TBC1D19: variants seen among roughly 807,000 people sequenced by gnomAD.
TBC1D19 encodes TBC1 domain family, member 19.
Under a neutral mutation model 89.0 loss-of-function variants are expected in TBC1D19, and 60 were observed. The observed-to-expected ratio is 0.67, with a 90% CI of 0.55 to 0.84. The LOEUF (loss-of-function observed/expected upper bound fraction) is 0.84. TBC1D19 is among the 40% of genes least tolerant of loss of function. The pLI is 0.00. For synonymous variants in TBC1D19, 189 were observed against 199.7 expected (o/e 0.95, Z 0.45); for missense variants, 500 against 610.8 (o/e 0.82, Z 1.91).
chr4:26,856,745 A>T, the TBC1D19 span, among the ~76,000 whole-genome samples: 1 of 152,156 alleles, frequency 6.6e-6, no homozygotes, highest in Non-Finnish European at 1.5e-5. Context: ...AAATGTCAAC[A>T]TTCCTGCTGC....
chr4:26,578,420 T>C (rs1739013125), intron 1 of TBC1D19, among the ~76,000 whole-genome samples: 1 of 152,186 alleles, frequency 6.6e-6, no homozygotes, highest in Non-Finnish European at 1.5e-5. Context: ...AACATATGCT[T>C]GTCTTGTAGA....
chr4:26,742,785 C>T (rs1432592779), intron 18 of TBC1D19, among the ~76,000 whole-genome samples, 186 bp downstream of exon 18: 1 of 152,032 alleles, frequency 6.6e-6, no homozygotes, highest in African/African-American at 2.4e-5. Context: ...GAAAGAATTA[C>T]CAAAATCCTA....
At chr4:26,631,873 ATTTCT>A in intron 4 of TBC1D19, among the ~76,000 whole-genome samples, 1 of 152,158 alleles carries the variant, frequency 6.6e-6, no homozygotes, top group South Asian at 2.1e-4. Flanking sequence ...ATGATGTCTA[ATTTCT>A]TTTCTGTGTA....
At chr4:26,682,376 GATC>G (rs1713425623) in intron 11 of TBC1D19, among the ~76,000 whole-genome samples, 1 of 152,176 alleles carries the variant, frequency 6.6e-6, no homozygotes, top group African/African-American at 2.4e-5. Flanking sequence ...TAAATGCCCT[GATC>G]ATCATTAGGC....
At chr4:26,852,647 TCTCA>T in the TBC1D19 span, among the ~76,000 whole-genome samples, 3 of 151,302 alleles carry the variant, frequency 2.0e-5, no homozygotes, top group African/African-American at 7.3e-5. Flanking sequence ...TGAGATGGAG[TCTCA>T]CTCTGTCACC....
intron 13 of TBC1D19, among the ~76,000 whole-genome samples, chr4:26,704,161 A>G (rs552949511): frequency 1.3e-5 from 2 of 152,198 alleles, no homozygotes; most frequent in Admixed American, 6.5e-5. Context: ...TGAAATTCTT[A>G]AAGTACCCAT....
chr4:26,759,768 C>T (rs1244379736), downstream of TBC1D19, among the ~76,000 whole-genome samples: 1 of 152,182 alleles, frequency 6.6e-6, no homozygotes, highest in Non-Finnish European at 1.5e-5. Flanking sequence ...TTTTGAGATT[C>T]ATCCATATTA....
At chr4:26,770,287 A>G in the TBC1D19 span, among the ~76,000 whole-genome samples, 1 of 152,120 alleles carries the variant, frequency 6.6e-6, no homozygotes, top group African/African-American at 2.4e-5. Context: ...CCACTAATCA[A>G]AAGTAAACTA....
the TBC1D19 span, among the ~76,000 whole-genome samples, chr4:26,822,922 G>A: frequency 1.3e-5 from 2 of 152,096 alleles, no homozygotes; most frequent in African/African-American, 4.8e-5. Context: ...TTTTCCTTGG[G>A]ATCACTCTAC....
chr4:26,750,128 C>G (rs1327966084), intron 19 of TBC1D19, among the ~76,000 whole-genome samples: 1 of 152,132 alleles, frequency 6.6e-6, no homozygotes, highest in Non-Finnish European at 1.5e-5. Context: ...ATTACATGTA[C>G]CCCTATTAAA....
At chr4:26,790,876 C>A in the TBC1D19 span, among the ~76,000 whole-genome samples, 7 of 152,082 alleles carry the variant, frequency 4.6e-5, no homozygotes, top group African/African-American at 7.2e-5. Context: ...CTTTTCTATT[C>A]AAATAATTAT....
the TBC1D19 span, among the ~76,000 whole-genome samples, chr4:26,811,329 G>A: frequency 6.6e-6 from 1 of 152,208 alleles, no homozygotes; most frequent in Non-Finnish European, 1.5e-5. Flanking sequence ...CGAAGGGAGG[G>A]GGACATCACA....
downstream of TBC1D19, among the ~76,000 whole-genome samples, chr4:26,757,493 A>G (rs1250227064): frequency 1.3e-5 from 2 of 152,182 alleles, no homozygotes; most frequent in African/African-American, 4.8e-5. Context: ...TAATAGGCAA[A>G]TTGTATTTGG....
intron 6 of TBC1D19, 74 bp from the exon 7 acceptor site, chr4:26,640,067 A>C: frequency 3.8e-6 from 4 of 1,043,220 alleles, no homozygotes; most frequent in Non-Finnish European, 5.8e-6. Flanking sequence ...CATGTGAAAG[A>C]ATGATTAACA....
At chr4:26,615,423 T>C (rs1210689806) in intron 3 of TBC1D19, among the ~76,000 whole-genome samples, 1 of 151,138 alleles carries the variant, frequency 6.6e-6, no homozygotes, top group Non-Finnish European at 1.5e-5. Flanking sequence ...GTTCATAGTC[T>C]AACAGAGTTC....
chr4:26,581,528 A>G (rs1283868487), upstream of TBC1D19, among the ~76,000 whole-genome samples: 1 of 152,196 alleles, frequency 6.6e-6, no homozygotes, highest in Non-Finnish European at 1.5e-5. Context: ...TTCCAGCTTC[A>G]TGGCCTGCAA....
rs16878540 is a variant in TBC1D19 at position 26,670,518 on chromosome 4, A to G, written c.665-1631A>G. The stretch of plus-strand genomic sequence containing the variant: ...TTGCAATTTTATATTTCAAAACTAG[A>G]GTTTTCAAGTACTGCAGGTAATAGA... On this transcript the variant is annotated intron_variant, in intron 9 of 20. Transcript: ENST00000264866. 2.4e-3 allele frequency among the ~76,000 whole-genome samples: 357 copies of G among 151,832 alleles called. 6 individuals are homozygous for G. In the East Asian group the frequency reaches 0.052, roughly 22 times the overall value.
At chr4:26,766,931 T>C in the TBC1D19 span, among the ~76,000 whole-genome samples, 1 of 152,174 alleles carries the variant, frequency 6.6e-6, no homozygotes, top group Non-Finnish European at 1.5e-5. Context: ...TTAATAGGTA[T>C]GTAGTGATGC....
intron 17 of TBC1D19, chr4:26,740,906 T>C: frequency 6.1e-6 from 6 of 985,414 alleles, no homozygotes; most frequent in Non-Finnish European, 4.8e-6. Context: ...CTAGTGAAAG[T>C]TGGCAAATCA....
Sources: allele counts gnomAD v4.1 joint callset (sites outside exome capture counted in the v4.1 genomes callset), GRCh38; gene constraint gnomAD v4.1.1; transcripts MANE v1.5; gene names NCBI Gene and HGNC (gene_info 2026-07-23, HGNC 2026-07-21).